Variants in HIF1AN observed in about 807,000 individuals in gnomAD.
HIF1AN encodes hypoxia-inducible factor 1-alpha inhibitor.
Under a neutral mutation model 47.7 loss-of-function variants are expected in HIF1AN, and 21 were observed. That is an observed-to-expected ratio of 0.44 (90% CI 0.31 to 0.63). The LOEUF (loss-of-function observed/expected upper bound fraction) is 0.63, where lower values mean the gene tolerates loss of function less well. Ranked by LOEUF, HIF1AN falls within the 30% of genes least tolerant of loss-of-function variation. HIF1AN has a pLI of 0.07. For synonymous variants in HIF1AN, 152 were observed against 155.9 expected (o/e 0.98, Z 0.18); for missense variants, 320 against 432.7 (o/e 0.74, Z 2.31).
intron 4 of HIF1AN, chr10:100,545,398 T>G: frequency 3.0e-6 from 1 of 334,800 alleles, no homozygotes; most frequent in Non-Finnish European, 5.4e-6. Flanking sequence ...GAACAAAATG[T>G]GTATGTCTCC....
chr10:100,541,071 C>G (rs1843023263), intron 3 of HIF1AN, among the ~76,000 whole-genome samples: 1 of 151,966 alleles, frequency 6.6e-6, no homozygotes, highest in Non-Finnish European at 1.5e-5. Flanking sequence ...GAAAACAAAT[C>G]AGCTGGGCAT....
Position 100,548,179 on chromosome 10 carries a change from C to T in HIF1AN, c.*42C>T, listed in dbSNP as rs376276780. ...GCCTCCTGCCAGGTGACTGCTATCC[C>T]GTCCACACCGCTTCATTGATGAGGA... On this transcript the variant is annotated 3_prime_UTR_variant, in exon 8 of 8. Coordinates refer to ENST00000299163, the MANE Select transcript of HIF1AN (RefSeq NM_017902.3). 1,111 of 1,534,620 alleles carry T rather than the reference C, an allele frequency of 7.2e-4. No individual in the cohort carries two copies. The highest frequency in any genetic ancestry group is 1.1e-3 in the South Asian group (91 of 82,864).
chr10:100,545,408 C>T (rs1180166972), intron 4 of HIF1AN: 1 of 308,036 alleles, frequency 3.2e-6, no homozygotes, highest in Non-Finnish European at 5.9e-6. Context: ...TGTATGTCTC[C>T]ATTGGATTTA....
At position 100,542,021 on chromosome 10, in the gene HIF1AN, A is replaced by G. The variant is rs192487927; in HGVS notation, c.577+1239A>G. On this transcript the variant is annotated intron_variant, in intron 3 of 7. Coordinates refer to ENST00000299163, the MANE Select transcript of HIF1AN (RefSeq NM_017902.3). Reference sequence around the variant, plus strand: ...TTTGTGTATCTAAACATACCTAAATATAGAAAAGGTATAGTAAAAGTACGG... The same window carrying G: ...TTTGTGTATCTAAACATACCTAAATGTAGAAAAGGTATAGTAAAAGTACGG... Among the ~76,000 whole-genome samples the G allele has an allele frequency of 1.2e-4, 18 of 152,324 alleles. No homozygotes were observed. The East Asian group carries it at 3.5e-3, about 29-fold the overall frequency.
intron 4 of HIF1AN, 142 bp from the exon 5 acceptor site, chr10:100,545,801 G>T (rs1459178815): frequency 3.2e-5 from 20 of 629,090 alleles, no homozygotes; most frequent in Non-Finnish European, 5.3e-5. Context: ...TCTTCTGCTG[G>T]ATATAAATTC....
intron 3 of HIF1AN, among the ~76,000 whole-genome samples, chr10:100,544,018 T>C (rs534506827): frequency 1.7e-4 from 26 of 152,296 alleles, no homozygotes; most frequent in African/African-American, 5.8e-4. Context: ...TGTCTTGGCA[T>C]ACCCAGACAG....
intron 3 of HIF1AN, among the ~76,000 whole-genome samples, chr10:100,542,579 T>A (rs2133724777): frequency 6.6e-6 from 1 of 152,248 alleles, no homozygotes; most frequent in Non-Finnish European, 1.5e-5. Context: ...ATGGTCTCGA[T>A]ATCCTGACCT....
intron 7 of HIF1AN, 108 bp downstream of exon 7, chr10:100,547,358 C>T (rs1452922492): frequency 1.4e-6 from 1 of 708,656 alleles, no homozygotes; most frequent in Middle Eastern, 3.2e-4. Context: ...TGTCCTCTCT[C>T]TCCATAGAGG....
intron 3 of HIF1AN, among the ~76,000 whole-genome samples, chr10:100,541,408 A>G (rs7099965): frequency 0.2 from 31,084 of 152,162 alleles, 3,307 homozygotes; most frequent in South Asian, 0.23. Context: ...AGGAAAAATG[A>G]AAAGAAATGA....
intron 3 of HIF1AN, among the ~76,000 whole-genome samples, chr10:100,542,433 A>G (rs1193771298): frequency 6.6e-6 from 1 of 152,110 alleles, no homozygotes; most frequent in African/African-American, 2.4e-5. Context: ...GGCTCACTAC[A>G]AGCTCCGCCT....
intron 3 of HIF1AN, 137 bp from the exon 4 acceptor site, chr10:100,544,814 C>T: frequency 2.7e-6 from 2 of 738,272 alleles, no homozygotes; most frequent in Non-Finnish European, 4.5e-6. Flanking sequence ...TTGGAATTTC[C>T]CTGATTCTGC....
intron 2 of HIF1AN, among the ~76,000 whole-genome samples, chr10:100,539,797 G>T (rs1303081614): frequency 6.6e-6 from 1 of 152,186 alleles, no homozygotes; most frequent in Non-Finnish European, 1.5e-5. Flanking sequence ...CACACTGAGG[G>T]AACCAGCTCT....
chr10:100,546,691 G>T, intron 6 of HIF1AN, 110 bp downstream of exon 6: 2 of 819,176 alleles, frequency 2.4e-6, no homozygotes, highest in South Asian at 1.4e-5. Flanking sequence ...GGAAGTGATT[G>T]TCAGGTGTCT....
chr10:100,547,250 G>A lies in HIF1AN; in HGVS notation c.1005G>A (p.Glu335=). Reference sequence around the variant, plus strand: ...GAGAGGCCTTGGGGAACCCACAAGAGGTAGGTGACTGCCCCAAGGTGGCTC... The same window carrying A: ...GAGAGGCCTTGGGGAACCCACAAGAAGTAGGTGACTGCCCCAAGGTGGCTC... The part of the protein sequence containing the change: ...MLGEALGNPQ[E]VGPLLNTMIK... The change falls in exon 7 of 8, where the codon GAG becomes GAA. Residue 335 remains glutamate, a splice_region_variant and synonymous_variant. Transcript: ENST00000299163. 6.2e-7 allele frequency: 1 copy of A among 1,605,890 alleles called. No homozygotes were observed. Among genetic ancestry groups the A allele is most frequent in the Non-Finnish European group, 8.5e-7 (1 of 1,173,198 alleles).
chr10:100,544,914 C>A, intron 3 of HIF1AN, 37 bp from the exon 4 acceptor site: 2 of 1,605,966 alleles, frequency 1.2e-6, no homozygotes, highest in Non-Finnish European at 1.7e-6. Flanking sequence ...GCAATAGAAC[C>A]ACTGCTCTGC....
Position 100,535,996 on chromosome 10 carries a change from C to T in HIF1AN, c.38C>T (p.Ser13Phe), listed in dbSNP as rs1195515973. 2 of 1,560,022 alleles carry T rather than the reference C, an allele frequency of 1.3e-6. No individual in the cohort carries two copies. Among genetic ancestry groups the T allele is most frequent in the Non-Finnish European group, 1.7e-6 (2 of 1,154,506 alleles). ...ATAAEAVASG[S>F]GEPREEAGAL... ...GCGGCGGAGGCTGTGGCCTCTGGCTCTGGAGAGCCCCGGGAGGAGGCTGGA... is the reference window on the plus strand; with the variant it reads ...GCGGCGGAGGCTGTGGCCTCTGGCTTTGGAGAGCCCCGGGAGGAGGCTGGA... The change falls in exon 1 of 8, where the codon TCT becomes TTT. Residue 13 changes from serine to phenylalanine, a missense_variant. Ser to Phe is a radical substitution (Grantham distance 155). Coordinates refer to ENST00000299163, the MANE Select transcript of HIF1AN (RefSeq NM_017902.3).
At position 100,536,634 on chromosome 10, in the gene HIF1AN, A is replaced by T; in HGVS notation, c.401A>T (p.Asp134Val). ...KFHEFVEKLQ[D>V]IQQRGGEERL... is the part of the protein sequence containing the mutation. ...CATGAGTTCGTTGAGAAACTGCAGG[A>T]TATACAGCAGCGAGGAGGGGAAGAG... is the stretch of plus-strand genomic sequence containing the variant. The change falls in exon 2 of 8, where the codon GAT (aspartate) becomes GTT (valine). Residue 134 changes from aspartate (D) to valine (V), a missense_variant. By Grantham distance (152) the Asp-to-Val change is radical (BLOSUM62 -3). Coordinates refer to ENST00000299163, the MANE Select transcript of HIF1AN (RefSeq NM_017902.3). The T allele has an allele frequency of 6.2e-7, 1 of 1,614,224 alleles. No homozygotes were observed. The highest frequency in any genetic ancestry group is 1.3e-5 in the African/African-American group (1 of 75,060).
rs1282698559 is a variant in HIF1AN at position 100,553,049 on chromosome 10, G to A, written c.*4912G>A. 1.3e-5 allele frequency: 2 copies of A among 152,170 alleles called. No homozygotes were observed. The highest frequency in any genetic ancestry group is 4.8e-5 in the African/African-American group (2 of 41,406). 9.4% of individuals were successfully genotyped at this position (152,170 alleles called of 1,614,324 possible). A position where few individuals can be genotyped will look rare whatever the true frequency, so the allele number is the denominator to read the frequency against. On this transcript the variant is annotated 3_prime_UTR_variant, in exon 8 of 8. Coordinates refer to ENST00000299163, the MANE Select transcript of HIF1AN (RefSeq NM_017902.3). ...AGGCCTGGGGGCGTGTGGTCAGTGA[G>A]GCCTCCAGAGGTGGGTTAGGGGTGG...
Position 100,556,162 on chromosome 10 carries a change from G to C in HIF1AN, c.*8025G>C, listed in dbSNP as rs528480676. 1.3e-5 allele frequency: 2 copies of C among 152,310 alleles called. No individual in the cohort carries two copies. The highest frequency in any genetic ancestry group is 2.1e-4 in the South Asian group (1 of 4,826). 9.4% of individuals were successfully genotyped at this position (152,310 alleles called of 1,614,324 possible). On this transcript the variant is annotated 3_prime_UTR_variant, in exon 8 of 8. Coordinates refer to ENST00000299163, the MANE Select transcript of HIF1AN (RefSeq NM_017902.3). ...ATCTAGTTGTCAGCTCCTGAGCAGA[G>C]CAGAGGTATAAGTGTCAACTCATGC...
Sources: allele counts gnomAD v4.1 joint callset (sites outside exome capture counted in the v4.1 genomes callset), GRCh38; gene constraint gnomAD v4.1.1; transcripts MANE v1.5; gene names NCBI Gene and HGNC (gene_info 2026-07-23, HGNC 2026-07-21).